Variants in PDE3B observed in about 807,000 individuals in gnomAD.
PDE3B encodes phosphodiesterase 3B.
A neutral mutation model predicts 116.8 loss-of-function variants in PDE3B; 66 were observed. That is an observed-to-expected ratio of 0.56 (90% confidence interval 0.46 to 0.69). The LOEUF is 0.69. Among genes scored for constraint, PDE3B ranks in the 30% least tolerant of loss-of-function variants. PDE3B has a pLI of 0.00. For synonymous variants in PDE3B, 595 were observed against 533.6 expected, an observed-to-expected ratio of 1.12 and a Z score of -1.59; for missense variants, 1,384 against 1,368.1, an observed-to-expected ratio of 1.01 and a Z score of -0.18.
chr11:14,868,701 A>T (rs148855274), intron 15 of PDE3B, among the ~76,000 whole-genome samples: 8 of 152,202 alleles, frequency 5.3e-5, no homozygotes, highest in Admixed American at 3.9e-4. Context: ...AGACAGGAAA[A>T]CTACAAAGAA....
chr11:14,855,219 G>A (rs1847826859), intron 12 of PDE3B, among the ~76,000 whole-genome samples: 1 of 152,108 alleles, frequency 6.6e-6, no homozygotes, highest in South Asian at 2.1e-4. Context: ...ACTAGTGGAA[G>A]TTCTAAAAAG....
chr11:14,828,283 C>G (rs1859764344), intron 7 of PDE3B, among the ~76,000 whole-genome samples: 1 of 152,016 alleles, frequency 6.6e-6, no homozygotes, highest in Admixed American at 6.6e-5. Context: ...GACAAAGATG[C>G]CAAAAGCAAT....
intron 1 of PDE3B, among the ~76,000 whole-genome samples, chr11:14,676,149 T>C (rs1854525836): frequency 1.3e-5 from 2 of 152,154 alleles, no homozygotes; most frequent in Admixed American, 6.6e-5. Context: ...AATGTTCAAG[T>C]CTTTTGCTAA....
At chr11:14,898,637 G>C in the PDE3B span, among the ~76,000 whole-genome samples, 4 of 152,134 alleles carry the variant, frequency 2.6e-5, no homozygotes, top group Non-Finnish European at 5.9e-5. Flanking sequence ...ACTCACTCAA[G>C]GTTACACATT....
intron 7 of PDE3B, among the ~76,000 whole-genome samples, chr11:14,830,412 A>T (rs1859839832): frequency 6.6e-6 from 1 of 152,034 alleles, no homozygotes; most frequent in South Asian, 2.1e-4. Flanking sequence ...ATTTCTATTG[A>T]TAGGAACTTT....
At chr11:14,677,153 T>TA (rs983961275) in intron 1 of PDE3B, among the ~76,000 whole-genome samples, 2 of 152,020 alleles carry the variant, frequency 1.3e-5, no homozygotes, top group African/African-American at 2.4e-5. Context: ...ATTTAAATTC[T>TA]AAAAAAAATG....
intron 1 of PDE3B, among the ~76,000 whole-genome samples, chr11:14,671,917 A>G (rs868236663): frequency 3.3e-5 from 5 of 151,420 alleles, no homozygotes; most frequent in African/African-American, 9.7e-5. Context: ...GTTCCTAGCT[A>G]CTTAGGGGGC....
the PDE3B span, chr11:14,880,446 A>G: frequency 4.3e-6 from 7 of 1,613,488 alleles, no homozygotes; most frequent in Non-Finnish European, 5.9e-6. Flanking sequence ...ATGGAAAGGC[A>G]TTATACAAGA....
chr11:14,819,252 T>A, intron 7 of PDE3B, 43 bp downstream of exon 7: 1 of 1,172,680 alleles, frequency 8.5e-7, no homozygotes, highest in Non-Finnish European at 1.3e-6. Context: ...TAAGAGAAAT[T>A]TCTTACAATG....
chr11:14,808,364 G>A lies in PDE3B; in HGVS notation c.1522+4314G>A, dbSNP rs574117477. 3.9e-5 allele frequency among the ~76,000 whole-genome samples: 6 copies of A among 152,256 alleles called. No homozygotes were observed. In the South Asian group the frequency reaches 8.3e-4, roughly 21 times the overall value. The stretch of plus-strand genomic sequence containing the variant: ...TTACAGTATTTTATGTAAAATGTAC[G>A]ATTTTCAAGAAAAATATGTGAAACA... On this transcript the variant is annotated intron_variant, in intron 5 of 15. Transcript: ENST00000282096.
At chr11:14,676,244 T>C (rs913276674) in intron 1 of PDE3B, among the ~76,000 whole-genome samples, 1 of 152,196 alleles carries the variant, frequency 6.6e-6, no homozygotes, top group Non-Finnish European at 1.5e-5. Context: ...AGTGAGGATA[T>C]GTTCTGAGAA....
the PDE3B span, chr11:14,887,856 A>G: frequency 6.5e-6 from 1 of 153,214 alleles, no homozygotes; most frequent in Admixed American, 6.5e-5. Flanking sequence ...GAATCAGACA[A>G]TTTATTATAA....
chr11:14,724,164 G>A (rs1856210230), intron 1 of PDE3B, among the ~76,000 whole-genome samples: 1 of 152,174 alleles, frequency 6.6e-6, no homozygotes, highest in Non-Finnish European at 1.5e-5. Context: ...TTGAAAGATG[G>A]TTACAGGATA....
At chr11:14,739,194 A>C (rs961599467) in intron 1 of PDE3B, among the ~76,000 whole-genome samples, 1 of 152,238 alleles carries the variant, frequency 6.6e-6, no homozygotes, top group African/African-American at 2.4e-5. Flanking sequence ...TACCTTGGAC[A>C]GTATGGCCCT....
chr11:14,720,909 C>A (rs375500327), intron 1 of PDE3B, among the ~76,000 whole-genome samples: 2 of 103,444 alleles, frequency 1.9e-5, no homozygotes, highest in Non-Finnish European at 3.9e-5. Flanking sequence ...GCAACAAAAG[C>A]CAAAATTGAC....
chr11:14,659,411 T>G (rs1853820673), intron 1 of PDE3B, among the ~76,000 whole-genome samples: 1 of 152,248 alleles, frequency 6.6e-6, no homozygotes, highest in Admixed American at 6.5e-5. Flanking sequence ...AACTTCATTT[T>G]TAACATAAAT....
In PDE3B at chr11:14,871,999, G is replaced by T. The variant is rs1257332688; in HGVS notation, c.*2339G>T. On this transcript the variant is annotated 3_prime_UTR_variant, in exon 16 of 16. Transcript: ENST00000282096. ...AATATTCTTTTAATGCTATATCTAT[G>T]TACCTACTGACACATTTTTCTCCAT... 1 of 152,082 alleles carries T rather than the reference G, an allele frequency of 6.6e-6. No homozygotes were observed. The highest frequency in any genetic ancestry group is 1.5e-5 in the Non-Finnish European group (1 of 67,992). The allele number at this position is 152,082 out of a possible 1,614,324, so 9.4% of individuals were successfully genotyped here.
At chr11:14,737,242 G>A (rs907555871) in intron 1 of PDE3B, among the ~76,000 whole-genome samples, 2 of 150,414 alleles carry the variant, frequency 1.3e-5, no homozygotes, top group Admixed American at 6.6e-5. Flanking sequence ...CACCCAGGCT[G>A]GACTGCAGTG....
intron 1 of PDE3B, among the ~76,000 whole-genome samples, chr11:14,759,609 C>T (rs1857297613): frequency 1.4e-5 from 2 of 142,154 alleles, no homozygotes; most frequent in African/African-American, 2.7e-5. Context: ...AGTGCAGTGG[C>T]GTGGTCTCGG....
Sources: gnomAD v4.1 joint callset for allele counts (sites outside exome capture counted in the v4.1 genomes callset) on GRCh38, gnomAD v4.1.1 for gene constraint, MANE v1.5 for transcripts, NCBI Gene and HGNC (gene_info 2026-07-23, HGNC 2026-07-21) for gene names.